DENND5A: variants seen among roughly 807,000 people sequenced by gnomAD.
DENND5A encodes DENN domain-containing protein 5A.
A neutral mutation model predicts 140.3 loss-of-function variants in DENND5A; 64 were observed. That is an observed-to-expected ratio of 0.46 (90% CI 0.37 to 0.56). The LOEUF (loss-of-function observed/expected upper bound fraction) is 0.56. DENND5A is among the 20% of genes least tolerant of loss of function. The probability of loss-of-function intolerance (pLI) is 0.00; values close to 1 mark genes in which losing one functional copy is unlikely to be tolerated. For missense variants in DENND5A, 1,292 were observed against 1,593.8 expected (o/e 0.81, Z 3.22); for synonymous variants, 605 against 607.7 (o/e 1.00, Z 0.07).
At chr11:9,221,065 G>C (rs927163640) in intron 1 of DENND5A, among the ~76,000 whole-genome samples, 1 of 151,980 alleles carries the variant, frequency 6.6e-6, no homozygotes, top group Non-Finnish European at 1.5e-5. Flanking sequence ...CTGGATGAGA[G>C]AGCAAGACAC....
At chr11:9,248,306 A>T (rs2136285387) in intron 1 of DENND5A, among the ~76,000 whole-genome samples, 1 of 151,938 alleles carries the variant, frequency 6.6e-6, no homozygotes, top group East Asian at 1.9e-4. Context: ...TTATTGTCAG[A>T]GTTTCTTTTG....
chr11:9,149,891 C>A (rs1234801557), intron 15 of DENND5A, among the ~76,000 whole-genome samples, 190 bp downstream of exon 15: 2 of 152,100 alleles, frequency 1.3e-5, no homozygotes, highest in Non-Finnish European at 2.9e-5. Flanking sequence ...CAGGGAGAAC[C>A]AATATAGCGG....
chr11:9,203,879 T>C lies in DENND5A; in HGVS notation c.730A>G (p.Ile244Val). The change falls in exon 4 of 23, where the codon ATA (isoleucine) becomes GTA (valine). Residue 244 changes from isoleucine to valine, a missense_variant. This residue lies in a region of DENND5A where 566 missense variants were observed against 650.4 expected (regional missense o/e 0.87). Transcript: ENST00000328194. ...GGCACCTCGTAGAGTACGTTGTATA[T>C]GTAGCTCTCAAGGGGCAGTGGAGGG... is the stretch of plus-strand genomic sequence containing the variant. ...QPPPLPLESY[I>V]YNVLYEVPLP... 1 of 1,614,124 alleles carries C rather than the reference T, an allele frequency of 6.2e-7. No homozygotes were observed. Among genetic ancestry groups the C allele is most frequent in the Non-Finnish European group, 8.5e-7 (1 of 1,180,006 alleles).
chr11:9,187,668 C>T (rs1848964422), intron 5 of DENND5A, among the ~76,000 whole-genome samples: 1 of 152,070 alleles, frequency 6.6e-6, no homozygotes, highest in Non-Finnish European at 1.5e-5. Context: ...AAAAATGGTA[C>T]CCCTTTCTTT....
At chr11:9,226,941 G>A (rs1346173980) in intron 1 of DENND5A, among the ~76,000 whole-genome samples, 3 of 152,118 alleles carry the variant, frequency 2.0e-5, no homozygotes, top group Admixed American at 6.6e-5. Context: ...GGCCAAGGCG[G>A]GCAGATCACC....
intron 1 of DENND5A, among the ~76,000 whole-genome samples, chr11:9,240,173 C>G (rs560445605): frequency 1.3e-5 from 2 of 152,204 alleles, no homozygotes; most frequent in African/African-American, 4.8e-5. Flanking sequence ...TTTGGGAGGC[C>G]AAGGCTGGTC....
At position 9,178,889 on chromosome 11, in the gene DENND5A, G is replaced by A; in HGVS notation, c.1640C>T (p.Thr547Ile). The change falls in exon 7 of 23, where the codon ACC (threonine) becomes ATC (isoleucine). Residue 547 changes from threonine (T) to isoleucine (I), a missense_variant. By Grantham distance (89) the Thr-to-Ile change is moderately conservative. This residue lies in a region of DENND5A where 29 missense variants were observed against 64.7 expected (regional missense o/e 0.45). Transcript: ENST00000328194. The stretch of plus-strand genomic sequence containing the variant: ...AAAGTTTTGCATTTGCTCCCTGTTG[G>A]TAAACCAGGATTCCTTATCCTGGCT... ...QPSQDKESWFTNREQMQNFDK... is the reference protein window; with the variant it reads ...QPSQDKESWFINREQMQNFDK... 6.2e-7 allele frequency: 1 copy of A among 1,614,012 alleles called. No individual in the cohort carries two copies. The highest frequency in any genetic ancestry group is 8.5e-7 in the Non-Finnish European group (1 of 1,180,002).
At chr11:9,156,621 C>T (rs1368415880) in intron 12 of DENND5A, among the ~76,000 whole-genome samples, 12 of 146,374 alleles carry the variant, frequency 8.2e-5, no homozygotes, top group African/African-American at 2.8e-4. Context: ...AGCGAGACTC[C>T]GTCTCAAAAA....
At chr11:9,154,516 G>C (rs1590213031) in intron 12 of DENND5A, among the ~76,000 whole-genome samples, 1 of 151,474 alleles carries the variant, frequency 6.6e-6, no homozygotes, top group Non-Finnish European at 1.5e-5. Flanking sequence ...TCACAAACTT[G>C]ATCTACTCTG....
In DENND5A at chr11:9,144,158, C is replaced by T. The variant is rs373190819; in HGVS notation, c.3243G>A (p.Pro1081=). ...EVDERPCRTP[P]LQQSPSVIRR... Reference sequence around the variant, plus strand: ...GGATGACACTGGGGGACTGCTGCAGCGGCGGGGTCCGGCATGGCCTCTCAT... The same window carrying T: ...GGATGACACTGGGGGACTGCTGCAGTGGCGGGGTCCGGCATGGCCTCTCAT... The change falls in exon 19 of 23, where the codon CCG becomes CCA. Residue 1081 remains proline, a synonymous_variant. Transcript: ENST00000328194. The T allele has an allele frequency of 7.9e-5, 128 of 1,613,930 alleles. No homozygotes were observed. Among genetic ancestry groups the T allele is most frequent in the African/African-American group, 2.0e-4 (15 of 74,914 alleles).
intron 1 of DENND5A, among the ~76,000 whole-genome samples, chr11:9,226,606 T>A (rs1850540395): frequency 6.6e-6 from 1 of 152,258 alleles, no homozygotes; most frequent in African/African-American, 2.4e-5. Flanking sequence ...ACAATAAAGT[T>A]TTCCTTTTTT....
intron 11 of DENND5A, among the ~76,000 whole-genome samples, chr11:9,163,902 G>C (rs973254009): frequency 3.3e-5 from 4 of 122,952 alleles, no homozygotes; most frequent in African/African-American, 1.5e-4. Flanking sequence ...AGGCAGAAGA[G>C]ACAAAATTGT....
chr11:9,139,797 G>T lies in DENND5A; in HGVS notation c.3738C>A (p.His1246Gln). 6.2e-7 allele frequency: 1 copy of T among 1,614,176 alleles called. No homozygotes were observed. The highest frequency in any genetic ancestry group is 8.5e-7 in the Non-Finnish European group (1 of 1,180,020). ...ALLADCPITA[H>Q]MYEDVALIKD... Reference sequence around the variant, plus strand: ...TGATCAGTGCCACATCCTCATACATGTGTGCAGTGATGGGGCAGTCAGCCA... The same window carrying T: ...TGATCAGTGCCACATCCTCATACATTTGTGCAGTGATGGGGCAGTCAGCCA... Residue 1246 changes from histidine (H) to glutamine (Q), a missense_variant, in exon 23 of 23, where the codon CAC (histidine) becomes CAA (glutamine). This residue lies in a region of DENND5A where 498 missense variants were observed against 689.7 expected (regional missense o/e 0.72). Coordinates refer to ENST00000328194, the MANE Select transcript of DENND5A (RefSeq NM_015213.4).
Position 9,139,201 on chromosome 11 carries a change from G to C in DENND5A, c.*470C>G, listed in dbSNP as rs1847148812. 6.4e-6 allele frequency: 1 copy of C among 155,138 alleles called. No homozygotes were observed. 9.6% of individuals were successfully genotyped at this position (155,138 alleles called of 1,614,324 possible). Reference sequence around the variant, plus strand: ...GCACTACTAAAAATCCCTTTGATTGGAGCATGGGGCTTCCCGCGCAGCACA... The same window carrying C: ...GCACTACTAAAAATCCCTTTGATTGCAGCATGGGGCTTCCCGCGCAGCACA... On this transcript the variant is annotated 3_prime_UTR_variant, in exon 23 of 23. Transcript: ENST00000328194.
chr11:9,163,439 T>C (rs1848060130), intron 11 of DENND5A, among the ~76,000 whole-genome samples: 2 of 152,200 alleles, frequency 1.3e-5, no homozygotes, highest in Admixed American at 1.3e-4. Flanking sequence ...TTGATATGTA[T>C]TTCACAGTCA....
At chr11:9,262,953 G>A (rs531715766) in intron 1 of DENND5A, among the ~76,000 whole-genome samples, 39 of 151,874 alleles carry the variant, frequency 2.6e-4, no homozygotes, top group African/African-American at 9.2e-4. Context: ...CTGTAAGCCC[G>A]GATGGTCTCG....
intron 1 of DENND5A, among the ~76,000 whole-genome samples, chr11:9,248,745 G>A (rs557032499): frequency 6.6e-6 from 1 of 151,846 alleles, no homozygotes; most frequent in South Asian, 2.1e-4. Context: ...TTGGCTGAGG[G>A]GCTTAGGATT....
intron 11 of DENND5A, among the ~76,000 whole-genome samples, chr11:9,164,996 CTGT>C (rs1239864470): frequency 1.3e-5 from 2 of 152,094 alleles, no homozygotes; most frequent in Non-Finnish European, 2.9e-5. Context: ...CTACATCTCT[CTGT>C]TGTTCTTTTT....
chr11:9,144,110 G>C lies in DENND5A; in HGVS notation c.3291C>G (p.Pro1097=). 1.2e-6 allele frequency: 2 copies of C among 1,613,488 alleles called. No individual in the cohort carries two copies. The highest frequency in any genetic ancestry group is 2.7e-5 in the African/African-American group (2 of 75,014). Residue 1097 remains proline (P), a synonymous_variant, in exon 19 of 23, where the codon CCC becomes CCG. Coordinates refer to ENST00000328194, the MANE Select transcript of DENND5A (RefSeq NM_015213.4). The stretch of plus-strand genomic sequence containing the variant: ...CCTCCCACTTACTGGGCTTGTTGTT[G>C]GGTGAGATGGTAACAAGCCTCCGGA... ...SVIRRLVTIS[P]NNKPKLNTGQ...
Sources: gnomAD v4.1 joint callset for allele counts (sites outside exome capture counted in the v4.1 genomes callset) on GRCh38, gnomAD v4.1.1 for gene constraint, gnomAD v4.1.1 regional missense constraint, MANE v1.5 for transcripts, NCBI Gene and HGNC (gene_info 2026-07-23, HGNC 2026-07-21) for gene names.